MYO5C: variants seen among roughly 807,000 people sequenced by gnomAD.
The protein encoded by MYO5C is myosin VC.
A neutral mutation model predicts 235.7 loss-of-function variants in MYO5C; 194 were observed. That is an observed-to-expected ratio of 0.82 (90% confidence interval 0.73 to 0.93). The LOEUF is 0.93. MYO5C is among the 40% of genes least tolerant of loss of function. MYO5C has a pLI of 0.00. For missense variants in MYO5C, 2,038 were observed against 2,127.2 expected, an observed-to-expected ratio of 0.96 and a Z score of 0.82; for synonymous variants, 707 against 754.8, an observed-to-expected ratio of 0.94 and a Z score of 1.04.
At chr15:52,247,276 G>A (rs945091037) in intron 15 of MYO5C, among the ~76,000 whole-genome samples, 182 bp downstream of exon 15, 10 of 152,176 alleles carry the variant, frequency 6.6e-5, no homozygotes, top group Non-Finnish European at 1.3e-4. Flanking sequence ...GCTCCAGTGC[G>A]TGCTGCCTTG....
At chr15:52,287,739 G>A (rs774818713) in intron 1 of MYO5C, among the ~76,000 whole-genome samples, 1 of 152,176 alleles carries the variant, frequency 6.6e-6, no homozygotes, top group Non-Finnish European at 1.5e-5. Flanking sequence ...CACTTTGGGA[G>A]GCCGAGGTGG....
rs1024299612 is a variant in MYO5C at position 52,295,645 on chromosome 15, G to GGGGCCGGGGCC, written c.-20_-10dup. 21 of 1,462,060 alleles carry GGGGCCGGGGCC rather than the reference G, an allele frequency of 1.4e-5. No individual in the cohort carries two copies. The highest frequency in any genetic ancestry group is 5.9e-5 in the African/African-American group (4 of 67,372). The allele number at this position is 1,462,060 out of a possible 1,614,324, so 90.6% of individuals were successfully genotyped here. A position where few individuals can be genotyped will look rare whatever the true frequency, so the allele number is the denominator to read the frequency against. Reference sequence around the variant, plus strand: ...AGCTCGGCCACCGCCATGGGCAGGAGGGGCCGGGGCCAGGCCGGGGCTGCC... The same window carrying GGGGCCGGGGCC: ...AGCTCGGCCACCGCCATGGGCAGGAGGGGCCGGGGCCGGGCCGGGGCCAGGCCGGGGCTGCC... On this transcript the variant is annotated 5_prime_UTR_variant, in exon 1 of 41. Coordinates refer to ENST00000261839, the MANE Select transcript of MYO5C (RefSeq NM_018728.4).
At chr15:52,254,655 A>G (rs1238933239) in intron 11 of MYO5C, among the ~76,000 whole-genome samples, 1 of 152,026 alleles carries the variant, frequency 6.6e-6, no homozygotes, top group Non-Finnish European at 1.5e-5. Flanking sequence ...AAGAGGAAAA[A>G]GGAAGAGAAG....
At chr15:52,244,808 T>G (rs1339351911) in intron 18 of MYO5C, among the ~76,000 whole-genome samples, 1 of 151,940 alleles carries the variant, frequency 6.6e-6, no homozygotes, top group Non-Finnish European at 1.5e-5. Context: ...GGGGAGTGAG[T>G]GTCATTTGCG....
At chr15:52,207,586 G>A (rs191365537) in intron 36 of MYO5C, among the ~76,000 whole-genome samples, 24 of 152,262 alleles carry the variant, frequency 1.6e-4, no homozygotes, top group Admixed American at 9.2e-4. Flanking sequence ...CTCTAAATAT[G>A]AACTACAAAA....
Position 52,221,175 on chromosome 15 carries a change from A to T in MYO5C, c.3708T>A (p.Ala1236=). The T allele has an allele frequency of 6.2e-7, 1 of 1,611,028 alleles. No individual in the cohort carries two copies. The highest frequency in any genetic ancestry group is 1.1e-5 in the South Asian group (1 of 90,096). ...GGTTTCAGTTACCTTTCATTTTCTC[A>T]GCTTGTTCATTCAGGCGGATTTCAA... The part of the protein sequence containing the change: ...QDLEIRLNEQ[A]EKMKGKLEEL... The change falls in exon 30 of 41, where the codon GCT becomes GCA. Residue 1236 remains alanine (A), a synonymous_variant. Transcript: ENST00000261839.
intron 32 of MYO5C, among the ~76,000 whole-genome samples, chr15:52,215,212 G>C (rs2035527182): frequency 6.6e-6 from 1 of 152,202 alleles, no homozygotes. Flanking sequence ...AAATATGAAT[G>C]TGGGAAAATG....
intron 1 of MYO5C, among the ~76,000 whole-genome samples, chr15:52,283,724 G>A (rs1324397651): frequency 6.6e-6 from 1 of 151,730 alleles, no homozygotes; most frequent in East Asian, 1.9e-4. Flanking sequence ...TGCCCAGGCT[G>A]TAGTGCAACA....
At chr15:52,268,721 T>C (rs186399905) in intron 8 of MYO5C, among the ~76,000 whole-genome samples, 1 of 152,286 alleles carries the variant, frequency 6.6e-6, no homozygotes, top group East Asian at 1.9e-4. Flanking sequence ...ATGAGCTCTG[T>C]GTGGGAAAAG....
intron 29 of MYO5C, among the ~76,000 whole-genome samples, chr15:52,221,865 A>G (rs1217359780): frequency 6.6e-6 from 1 of 152,244 alleles, no homozygotes; most frequent in South Asian, 2.1e-4. Context: ...TGAAGAATAC[A>G]GACAGCCCCT....
At chr15:52,266,286 C>T (rs940740709) in intron 8 of MYO5C, among the ~76,000 whole-genome samples, 1 of 152,196 alleles carries the variant, frequency 6.6e-6, no homozygotes, top group Admixed American at 6.5e-5. Context: ...TGGTCAAGTT[C>T]CTAGAGCCTG....
At chr15:52,221,905 C>T (rs748937964) in intron 29 of MYO5C, among the ~76,000 whole-genome samples, 23 of 152,084 alleles carry the variant, frequency 1.5e-4, no homozygotes, top group Non-Finnish European at 2.5e-4. Flanking sequence ...TACTATTTTT[C>T]GAGTTTGTGA....
rs1045443287 is a variant in MYO5C at position 52,249,746 on chromosome 15, G to A, written c.1663-963C>T. ...AATACAGAGCTTTCCTGGTCTGGGCGAGCATCTGTGGGGACAGTGTCACAT... is the reference window on the plus strand; with the variant it reads ...AATACAGAGCTTTCCTGGTCTGGGCAAGCATCTGTGGGGACAGTGTCACAT... On this transcript the variant is annotated intron_variant, in intron 13 of 40. Coordinates refer to ENST00000261839, the MANE Select transcript of MYO5C (RefSeq NM_018728.4). 3.9e-5 allele frequency among the ~76,000 whole-genome samples: 6 copies of A among 152,186 alleles called. No individual in the cohort carries two copies. In the South Asian group the frequency reaches 6.2e-4, roughly 16 times the overall value.
chr15:52,228,970 C>T (rs1183776152), intron 25 of MYO5C, among the ~76,000 whole-genome samples, 163 bp downstream of exon 25: 2 of 152,210 alleles, frequency 1.3e-5, no homozygotes. Flanking sequence ...ATTGCTAAAT[C>T]AAAGGCAGCC....
chr15:52,235,827 C>A (rs992850119), intron 22 of MYO5C, 64 bp from the exon 23 acceptor site: 5 of 1,010,210 alleles, frequency 4.9e-6, no homozygotes, highest in African/African-American at 4.8e-5. Context: ...GTCACCATTG[C>A]CTTTCTTCAC....
intron 1 of MYO5C, among the ~76,000 whole-genome samples, chr15:52,284,839 CTTTT>C (rs367736735): frequency 0.059 from 8,359 of 141,288 alleles, 450 homozygotes; most frequent in African/African-American, 0.15. Context: ...TTCTTTCTTT[CTTTT>C]TTTTTTTTTT....
At chr15:52,232,811 A>G (rs2035995833) in intron 23 of MYO5C, 126 bp from the exon 24 acceptor site, 1 of 777,838 alleles carries the variant, frequency 1.3e-6, no homozygotes, top group Admixed American at 2.2e-5. Flanking sequence ...AGGACTTACA[A>G]TGAGAGTATA....
chr15:52,192,740 T>A lies in MYO5C; in HGVS notation c.*1162A>T, dbSNP rs1472259392. 6.6e-6 allele frequency: 1 copy of A among 152,224 alleles called. No homozygotes were observed. The highest frequency in any genetic ancestry group is 1.5e-5 in the Non-Finnish European group (1 of 68,040). The allele number at this position is 152,224 out of a possible 1,614,324, so 9.4% of individuals were successfully genotyped here. On this transcript the variant is annotated 3_prime_UTR_variant, in exon 41 of 41. Transcript: ENST00000261839. ...GTAGGGTCCGACACAATTTTTTAGT[T>A]ACTTTTTGAGAAAATTTAAAAATAA... is the stretch of plus-strand genomic sequence containing the variant.
At chr15:52,271,520 C>T (rs747050612) in intron 7 of MYO5C, among the ~76,000 whole-genome samples, 4 of 152,094 alleles carry the variant, frequency 2.6e-5, no homozygotes, top group East Asian at 1.9e-4. Flanking sequence ...TGAGCCATCA[C>T]GCCAGGCCCA....
Sources: gnomAD v4.1 joint callset for allele counts (sites outside exome capture counted in the v4.1 genomes callset) on GRCh38, gnomAD v4.1.1 for gene constraint, MANE v1.5 for transcripts, NCBI Gene and HGNC (gene_info 2026-07-23, HGNC 2026-07-21) for gene names.